Variants in UNC79 observed in about 807,000 individuals in gnomAD.
UNC79 encodes the protein unc-79 subunit of NALCN channel complex.
A neutral mutation model predicts 283.1 loss-of-function variants in UNC79; 37 were observed. The ratio of observed to expected loss-of-function variants is 0.13; its 90% CI spans 0.10 to 0.17. The LOEUF is 0.17. Among genes scored for constraint, UNC79 ranks in the 10% least tolerant of loss-of-function variants. The pLI, the probability that UNC79 is intolerant of heterozygous loss-of-function variation, is 1.00. For synonymous variants in UNC79, 1,107 were observed against 1,200.2 expected (o/e 0.92, Z 1.61); for missense variants, 2,272 against 3,211.1 (o/e 0.71, Z 7.07).
intron 1 of UNC79, among the ~76,000 whole-genome samples, chr14:93,422,605 GC>G (rs907793906): frequency 1.4e-4 from 21 of 152,114 alleles, no homozygotes; most frequent in African/African-American, 4.8e-4. Flanking sequence ...GGTTGGGGGG[GC>G]CTTAGAATTG....
At chr14:93,641,490 T>C (rs1443988847) in intron 33 of UNC79, among the ~76,000 whole-genome samples, 1 of 152,022 alleles carries the variant, frequency 6.6e-6, no homozygotes, top group South Asian at 2.1e-4. Flanking sequence ...CTGTTTCTAC[T>C]AAAATTACTA....
intron 33 of UNC79, among the ~76,000 whole-genome samples, chr14:93,642,652 A>G (rs914720972): frequency 7.2e-5 from 11 of 152,124 alleles, no homozygotes; most frequent in Admixed American, 2.6e-4. Context: ...CCCAAGTCTT[A>G]ATCTTTCCTA....
At chr14:93,479,224 C>CTTCCTTCCTTCT (rs1359829870) in intron 4 of UNC79, among the ~76,000 whole-genome samples, 1 of 146,804 alleles carries the variant, frequency 6.8e-6, no homozygotes, top group Non-Finnish European at 1.5e-5. Flanking sequence ...TCCTTCCTTC[C>CTTCCTTCCTTCT]TTCCTTTCCT....
intron 1 of UNC79, among the ~76,000 whole-genome samples, chr14:93,334,195 T>G (rs2139856627): frequency 6.6e-6 from 1 of 152,364 alleles, no homozygotes. Context: ...GGAGACAATA[T>G]CATTGTTGTT....
At position 93,595,171 on chromosome 14, in the gene UNC79, C is replaced by T. The variant is rs544540271; in HGVS notation, c.3190+1334C>T. Among the ~76,000 whole-genome samples the T allele has an allele frequency of 2.0e-5, 3 of 151,716 alleles. No individual in the cohort carries two copies. The East Asian group carries it at 5.8e-4, about 30-fold the overall frequency. ...GTGGAGTGATCTCGGCTCACTGCAACCTCTGCCTCCCGGGTTTAAGCGATT... is the reference window on the plus strand; with the variant it reads ...GTGGAGTGATCTCGGCTCACTGCAATCTCTGCCTCCCGGGTTTAAGCGATT... On this transcript the variant is annotated intron_variant, in intron 23 of 48. Transcript: ENST00000555664.
At chr14:93,454,987 G>C (rs2056755915) in intron 1 of UNC79, among the ~76,000 whole-genome samples, 1 of 152,188 alleles carries the variant, frequency 6.6e-6, no homozygotes, top group Non-Finnish European at 1.5e-5. Flanking sequence ...TGATGATAGT[G>C]TTGGAGTCAC....
intron 40 of UNC79, among the ~76,000 whole-genome samples, chr14:93,667,714 G>A (rs2072371818): frequency 6.6e-6 from 1 of 152,110 alleles, no homozygotes; most frequent in Non-Finnish European, 1.5e-5. Context: ...ATATCAACCA[G>A]AGAAGGACAA....
chr14:93,583,482 G>A (rs771909388), intron 20 of UNC79, among the ~76,000 whole-genome samples: 7 of 152,164 alleles, frequency 4.6e-5, no homozygotes, highest in African/African-American at 1.4e-4. Flanking sequence ...TTATTCAAAC[G>A]AAGGTAACCC....
At chr14:93,623,551 C>T (rs186473324) in intron 30 of UNC79, among the ~76,000 whole-genome samples, 21 of 152,264 alleles carry the variant, frequency 1.4e-4, no homozygotes, top group African/African-American at 3.6e-4. Flanking sequence ...GTAATGTTAC[C>T]GCAACACTGA....
exon 23 of UNC79, chr14:93,593,746 T>C: frequency 6.2e-7 from 1 of 1,614,156 alleles, no homozygotes; most frequent in Non-Finnish European, 8.5e-7. Context: ...TTCTCCTCCA[T>C]GCCCTGTCAC....
intron 7 of UNC79, among the ~76,000 whole-genome samples, chr14:93,517,472 AT>A (rs34274004): frequency 0.17 from 24,667 of 146,542 alleles, 2,143 homozygotes; most frequent in East Asian, 0.33. Flanking sequence ...TTTTTCATAG[AT>A]TTTTTTTTTT....
chr14:93,614,299 T>TTTTATTTATTTA (rs10617777), intron 27 of UNC79, among the ~76,000 whole-genome samples: 5 of 140,030 alleles, frequency 3.6e-5, no homozygotes, highest in African/African-American at 1.4e-4. Flanking sequence ...GTGGTTTTAT[T>TTTTATTTATTTA]TTTATTTATT....
At chr14:93,426,217 T>C (rs1471926071), upstream of UNC79, among the ~76,000 whole-genome samples, 1 of 152,078 alleles carries the variant, frequency 6.6e-6, no homozygotes, top group Non-Finnish European at 1.5e-5. Flanking sequence ...TCCCTGTATG[T>C]AATGTGTGTC....
intron 1 of UNC79, among the ~76,000 whole-genome samples, chr14:93,390,059 ATTC>A (rs1347590479): frequency 6.6e-6 from 1 of 152,256 alleles, no homozygotes; most frequent in Non-Finnish European, 1.5e-5. Flanking sequence ...AAGATAAAAA[ATTC>A]TGAACAAAAT....
At chr14:93,353,593 C>G (rs779621106) in intron 1 of UNC79, among the ~76,000 whole-genome samples, 3 of 152,204 alleles carry the variant, frequency 2.0e-5, no homozygotes, top group Non-Finnish European at 2.9e-5. Context: ...TGTCCCATAT[C>G]GTTCTCCTGA....
intron 48 of UNC79, among the ~76,000 whole-genome samples, chr14:93,705,347 CAAAAAAAA>C (rs71129656): frequency 2.3e-5 from 2 of 87,526 alleles, no homozygotes; most frequent in Non-Finnish European, 4.3e-5. Context: ...CCCAGTCTCT[CAAAAAAAA>C]AAAAAAAAAA....
chr14:93,421,776 TA>T (rs35643188), intron 1 of UNC79, among the ~76,000 whole-genome samples: 95 of 144,552 alleles, frequency 6.6e-4, no homozygotes, highest in African/African-American at 9.8e-4. Context: ...GGAGATAGCT[TA>T]AAAAAAAAAA....
chr14:93,404,493 A>AAAAAAAAAAATATATATATAT lies in UNC79; in HGVS notation c.-350-63177_-350-63176insAAAAAAAAATATATATATATA. On this transcript the variant is annotated intron_variant, in intron 1 of 49. Coordinates refer to the UNC79 transcript ENST00000256339. ...TGACAGAGTGAGACCTTCTAAAAAA[A>AAAAAAAAAAATATATATATAT]ATATATATATATATATATATAAATA... Among the ~76,000 whole-genome samples, 42 of 61,488 alleles carry AAAAAAAAAAATATATATATAT rather than the reference A, an allele frequency of 6.8e-4. 1 individual carries two copies. Among genetic ancestry groups the AAAAAAAAAAATATATATATAT allele is most frequent in the Non-Finnish European group, 1.1e-3 (33 of 31,164 alleles). The allele number at this position is 61,488 out of a possible 152,430, so 40.3% of individuals were successfully genotyped here. A position where few individuals can be genotyped will look rare whatever the true frequency, so the allele number is the denominator to read the frequency against.
chr14:93,502,269 C>T (rs1318987641), intron 7 of UNC79, among the ~76,000 whole-genome samples: 1 of 151,932 alleles, frequency 6.6e-6, no homozygotes, highest in African/African-American at 2.4e-5. Context: ...AAAAAAATTC[C>T]GGGTGTGGTG....
Sources: gnomAD v4.1 joint callset for allele counts (sites outside exome capture counted in the v4.1 genomes callset) on GRCh38, gnomAD v4.1.1 for gene constraint, MANE v1.5 for transcripts, NCBI Gene and HGNC (gene_info 2026-07-23, HGNC 2026-07-21) for gene names.